STK33: variants seen among roughly 807,000 people sequenced by gnomAD.
The protein encoded by STK33 is serine/threonine kinase 33.
A neutral mutation model predicts 58.0 loss-of-function variants in STK33; 52 were observed. The ratio of observed to expected loss-of-function variants is 0.90; its 90% CI spans 0.72 to 1.13. The LOEUF is 1.13. STK33 is among the 50% of genes most tolerant of loss of function. The pLI is 0.00. For missense variants in STK33, 630 were observed against 604.2 expected (o/e 1.04, Z -0.45); for synonymous variants, 215 against 200.1 (o/e 1.07, Z -0.63).
intron 6 of STK33, among the ~76,000 whole-genome samples, chr11:8,471,442 G>T (rs1248062122): frequency 6.6e-6 from 1 of 152,138 alleles, no homozygotes; most frequent in Admixed American, 6.5e-5. Flanking sequence ...AGAAGTCCAT[G>T]ACATAGTGTA....
At chr11:8,365,990 G>A in the STK33 span, among the ~76,000 whole-genome samples, 185 of 152,308 alleles carry the variant, frequency 1.2e-3, 1 homozygote, top group Non-Finnish European at 2.1e-3. Flanking sequence ...ACATCCATTA[G>A]GCACCTACTA....
the STK33 span, among the ~76,000 whole-genome samples, chr11:8,351,305 CT>C: frequency 1.3e-5 from 2 of 152,228 alleles, no homozygotes; most frequent in Non-Finnish European, 1.5e-5. Flanking sequence ...TTACCCACCC[CT>C]ACCTCTACTT....
At chr11:8,521,889 C>G (rs944912409) in intron 1 of STK33, among the ~76,000 whole-genome samples, 3 of 152,202 alleles carry the variant, frequency 2.0e-5, no homozygotes, top group Admixed American at 2.0e-4. Context: ...CTCATCACCA[C>G]TGGCCATCAG....
At chr11:8,335,089 C>T in the STK33 span, among the ~76,000 whole-genome samples, 1 of 152,220 alleles carries the variant, frequency 6.6e-6, no homozygotes. Flanking sequence ...AGGAGGAAGC[C>T]ATCAGGTGCG....
chr11:8,407,655 G>T (rs975191282), intron 15 of STK33, among the ~76,000 whole-genome samples: 1 of 151,322 alleles, frequency 6.6e-6, no homozygotes, highest in African/African-American at 2.4e-5. Flanking sequence ...TAGATCAATA[G>T]AAAGTATCCA....
At chr11:8,421,115 G>A (rs763997577) in intron 14 of STK33, among the ~76,000 whole-genome samples, 5 of 152,000 alleles carry the variant, frequency 3.3e-5, no homozygotes, top group Non-Finnish European at 5.9e-5. Flanking sequence ...TCCTTCTGGT[G>A]TTGTTTTATT....
intron 1 of STK33, among the ~76,000 whole-genome samples, 156 bp from the exon 2 acceptor site, chr11:8,480,770 A>G (rs1949732794): frequency 6.6e-6 from 1 of 152,200 alleles, no homozygotes; most frequent in Admixed American, 6.5e-5. Context: ...AGATTCTTGA[A>G]GAAGTAAAAC....
chr11:8,503,962 A>T (rs561028097), intron 1 of STK33, among the ~76,000 whole-genome samples: 19 of 152,354 alleles, frequency 1.2e-4, no homozygotes, highest in African/African-American at 4.6e-4. Context: ...ACAAACATCA[A>T]ATGGAACACA....
the STK33 span, among the ~76,000 whole-genome samples, chr11:8,359,317 A>G: frequency 6.6e-6 from 1 of 152,202 alleles, no homozygotes; most frequent in East Asian, 1.9e-4. Flanking sequence ...GTGTTGAGGG[A>G]AATGCATGCT....
At chr11:8,418,156 G>A (rs547036804) in intron 14 of STK33, among the ~76,000 whole-genome samples, 76 of 151,782 alleles carry the variant, frequency 5.0e-4, no homozygotes, top group African/African-American at 1.7e-3. Context: ...AGGTAAACTC[G>A]TGTCACAGGG....
At chr11:8,387,211 G>C (rs1848555993), downstream of STK33, among the ~76,000 whole-genome samples, 1 of 152,154 alleles carries the variant, frequency 6.6e-6, no homozygotes, top group South Asian at 2.1e-4. Context: ...TATCACTCTA[G>C]GCTCCTGCTG....
At chr11:8,526,766 CACAA>C (rs1215864919) in intron 1 of STK33, among the ~76,000 whole-genome samples, 1 of 146,390 alleles carries the variant, frequency 6.8e-6, no homozygotes, top group Non-Finnish European at 1.5e-5. Flanking sequence ...CACACACACA[CACAA>C]AAAGAAAATA....
At chr11:8,350,044 T>A in the STK33 span, among the ~76,000 whole-genome samples, 1 of 152,272 alleles carries the variant, frequency 6.6e-6, no homozygotes, top group South Asian at 2.1e-4. Context: ...GCACTTCATA[T>A]GCCTCATCTC....
chr11:8,353,919 G>C, the STK33 span, among the ~76,000 whole-genome samples: 3 of 152,204 alleles, frequency 2.0e-5, no homozygotes, highest in Admixed American at 6.5e-5. Flanking sequence ...ATGAAGGTCT[G>C]GAATTTCTGT....
chr11:8,421,657 C>A (rs1941939301), intron 14 of STK33, among the ~76,000 whole-genome samples: 1 of 152,040 alleles, frequency 6.6e-6, no homozygotes, highest in East Asian at 1.9e-4. Flanking sequence ...ATATGTATAT[C>A]AATACGGGAA....
At chr11:8,395,778 C>T (rs1231861248) in intron 15 of STK33, among the ~76,000 whole-genome samples, 2 of 152,128 alleles carry the variant, frequency 1.3e-5, no homozygotes, top group Admixed American at 1.3e-4. Context: ...ACATTTTGCA[C>T]GTTCGTAAGT....
chr11:8,412,516 G>A (rs961233381), intron 15 of STK33, among the ~76,000 whole-genome samples: 5 of 152,172 alleles, frequency 3.3e-5, no homozygotes, highest in Non-Finnish European at 7.3e-5. Flanking sequence ...CTTTCTGTAA[G>A]TTACTGAGAG....
At chr11:8,499,508 A>G (rs1362078771) in intron 1 of STK33, among the ~76,000 whole-genome samples, 1 of 152,158 alleles carries the variant, frequency 6.6e-6, no homozygotes, top group South Asian at 2.1e-4. Context: ...TGGAAGACAG[A>G]GTGGCAATTC....
chr11:8,516,201 G>T (rs767349101), intron 1 of STK33, among the ~76,000 whole-genome samples: 44 of 152,094 alleles, frequency 2.9e-4, no homozygotes, highest in Admixed American at 7.2e-4. Context: ...CTGCCATAAA[G>T]ATAAACATAT....
Sources: gnomAD v4.1 joint callset for allele counts (sites outside exome capture counted in the v4.1 genomes callset) on GRCh38, gnomAD v4.1.1 for gene constraint, MANE v1.5 for transcripts, NCBI Gene and HGNC (gene_info 2026-07-23, HGNC 2026-07-21) for gene names.